The following GRIA4 variants were observed in gnomAD, a reference collection of about 807,000 sequenced individuals.
GRIA4 encodes the protein glutamate ionotropic receptor AMPA type subunit 4, also known as glutamate receptor 4.
In GRIA4, 34 loss-of-function variants were observed where a neutral mutation model predicts 104.0. That is an observed-to-expected ratio of 0.33 (90% confidence interval 0.25 to 0.44). GRIA4 has a LOEUF of 0.44. Among genes scored for constraint, GRIA4 ranks in the 20% least tolerant of loss-of-function variants. GRIA4 has a pLI of 1.00. For synonymous variants in GRIA4, 386 were observed against 381.9 expected, an observed-to-expected ratio of 1.01 and a Z score of -0.13; for missense variants, 750 against 1,096.5, an observed-to-expected ratio of 0.68 and a Z score of 4.46.
intron 3 of GRIA4, among the ~76,000 whole-genome samples, chr11:105,693,160 T>C (rs1024720907): frequency 3.9e-5 from 6 of 152,160 alleles, no homozygotes; most frequent in Non-Finnish European, 5.9e-5. Flanking sequence ...AATCAAGCCA[T>C]CATTAATAAA....
intron 3 of GRIA4, among the ~76,000 whole-genome samples, chr11:105,704,300 T>C (rs184431138): frequency 9.0e-4 from 137 of 152,204 alleles, no homozygotes; most frequent in Middle Eastern, 3.4e-3. Context: ...ATTCTAGAGA[T>C]AGTGACTTTG....
intron 14 of GRIA4, among the ~76,000 whole-genome samples, chr11:105,937,557 C>T (rs754243683): frequency 4.6e-5 from 7 of 152,008 alleles, no homozygotes; most frequent in Non-Finnish European, 8.8e-5. Flanking sequence ...TAAATACCTC[C>T]GGACAACAAA....
At chr11:105,645,988 C>T (rs1038162743) in intron 3 of GRIA4, among the ~76,000 whole-genome samples, 3 of 152,192 alleles carry the variant, frequency 2.0e-5, no homozygotes, top group African/African-American at 4.8e-5. Context: ...AAGGAGATTA[C>T]CTACAAGGCA....
chr11:105,697,255 T>C (rs764146162), intron 3 of GRIA4, among the ~76,000 whole-genome samples: 5 of 152,202 alleles, frequency 3.3e-5, no homozygotes, highest in Non-Finnish European at 7.3e-5. Context: ...GAAAACAGCA[T>C]GCCTTTGAAG....
chr11:105,758,344 G>C (rs1028450971), intron 4 of GRIA4, among the ~76,000 whole-genome samples: 3 of 152,140 alleles, frequency 2.0e-5, no homozygotes, highest in East Asian at 1.9e-4. Flanking sequence ...AAGAGAACAT[G>C]TTCCTTAAAA....
chr11:105,913,191 C>T (rs1008769205), intron 10 of GRIA4: 2 of 374,872 alleles, frequency 5.3e-6, no homozygotes, highest in Admixed American at 6.5e-5. Flanking sequence ...AGACAAAAAT[C>T]CTGCACTCAA....
chr11:105,625,279 A>G (rs903363428), intron 3 of GRIA4, among the ~76,000 whole-genome samples: 1 of 152,100 alleles, frequency 6.6e-6, no homozygotes, highest in Non-Finnish European at 1.5e-5. Flanking sequence ...CTGTACTCAT[A>G]TGTTTGCAGA....
chr11:105,657,134 T>G (rs1338505340), intron 3 of GRIA4, among the ~76,000 whole-genome samples: 1 of 152,034 alleles, frequency 6.6e-6, no homozygotes, highest in Non-Finnish European at 1.5e-5. Flanking sequence ...GAAATAACAT[T>G]ATTGGATGTG....
chr11:105,794,989 T>C (rs1433388505), intron 4 of GRIA4, among the ~76,000 whole-genome samples: 1 of 152,138 alleles, frequency 6.6e-6, no homozygotes, highest in Non-Finnish European at 1.5e-5. Flanking sequence ...AAACTGTTAT[T>C]GACACACCAT....
At chr11:105,696,140 C>T (rs915005595) in intron 3 of GRIA4, among the ~76,000 whole-genome samples, 2 of 152,182 alleles carry the variant, frequency 1.3e-5, no homozygotes, top group African/African-American at 4.8e-5. Context: ...ATCTGCCCAC[C>T]TCATCTTCCT....
chr11:105,882,307 C>T (rs1946095786), intron 5 of GRIA4, among the ~76,000 whole-genome samples: 1 of 152,140 alleles, frequency 6.6e-6, no homozygotes, highest in South Asian at 2.1e-4. Context: ...TCTAGTGTGC[C>T]ACTGCATGTC....
intron 4 of GRIA4, among the ~76,000 whole-genome samples, chr11:105,808,983 TTTTA>T (rs1362049920): frequency 6.6e-6 from 1 of 152,062 alleles, no homozygotes; most frequent in Non-Finnish European, 1.5e-5. Flanking sequence ...ATTTCTAAGT[TTTTA>T]TTTATTTTTG....
rs575352684 is a variant in GRIA4 at position 105,742,572 on chromosome 11, G to GTATA, written c.248-10402_248-10399dup. Among the ~76,000 whole-genome samples the GTATA allele has an allele frequency of 3.3e-5, 5 of 150,432 alleles. No homozygotes were observed. In the East Asian group the frequency reaches 9.8e-4, roughly 29 times the overall value. On this transcript the variant is annotated intron_variant, in intron 3 of 16. Transcript: ENST00000282499. ...CACACACACACACATATACATGTGT[G>GTATA]TATATATATACAAGTGTGAGTATAT...
At chr11:105,616,031 C>G (rs1202563631) in intron 3 of GRIA4, among the ~76,000 whole-genome samples, 1 of 151,666 alleles carries the variant, frequency 6.6e-6, no homozygotes, top group Admixed American at 6.6e-5. Flanking sequence ...TGAAATGAGT[C>G]ATTTAAATCT....
At chr11:105,711,158 G>A (rs1010153688) in intron 3 of GRIA4, among the ~76,000 whole-genome samples, 1 of 151,550 alleles carries the variant, frequency 6.6e-6, no homozygotes, top group Admixed American at 6.6e-5. Flanking sequence ...CACCTGATCT[G>A]GATCAAACCT....
At chr11:105,889,415 A>T (rs1946385408) in intron 6 of GRIA4, among the ~76,000 whole-genome samples, 1 of 152,204 alleles carries the variant, frequency 6.6e-6, no homozygotes, top group South Asian at 2.1e-4. Flanking sequence ...GACATACATT[A>T]TAATACAGTG....
At chr11:105,975,865 G>A (rs1034478137) in intron 16 of GRIA4, among the ~76,000 whole-genome samples, 3 of 152,064 alleles carry the variant, frequency 2.0e-5, no homozygotes, top group Non-Finnish European at 4.4e-5. Context: ...CATCCATAAT[G>A]TAGAAATTAG....
intron 4 of GRIA4, among the ~76,000 whole-genome samples, chr11:105,791,059 C>A (rs1942192868): frequency 1.3e-5 from 2 of 152,058 alleles, no homozygotes; most frequent in South Asian, 4.1e-4. Context: ...CTGATCCATC[C>A]CTGAAAGTGC....
At chr11:105,942,096 A>G (rs1015489942) in intron 14 of GRIA4, among the ~76,000 whole-genome samples, 2 of 152,090 alleles carry the variant, frequency 1.3e-5, no homozygotes, top group African/African-American at 4.8e-5. Flanking sequence ...AGCATGAGGA[A>G]ATTTAAAATG....
Sources: gnomAD v4.1 joint callset for allele counts (sites outside exome capture counted in the v4.1 genomes callset) on GRCh38, gnomAD v4.1.1 for gene constraint, MANE v1.5 for transcripts, NCBI Gene and HGNC (gene_info 2026-07-23, HGNC 2026-07-21) for gene names.